The following DCAF17 variants were observed in gnomAD, a reference collection of about 807,000 sequenced individuals.
DCAF17 encodes DDB1- and CUL4-associated factor 17.
A neutral mutation model predicts 66.0 loss-of-function variants in DCAF17; 48 were observed. The observed-to-expected ratio is 0.73, with a 90% CI of 0.58 to 0.92. The LOEUF is 0.92. Ranked by LOEUF, DCAF17 falls within the 40% of genes least tolerant of loss-of-function variation. DCAF17 has a pLI of 0.00. For synonymous variants in DCAF17, 206 were observed against 214.6 expected, an observed-to-expected ratio of 0.96 and a Z score of 0.35; for missense variants, 562 against 622.8, an observed-to-expected ratio of 0.90 and a Z score of 1.04.
At chr2:171,467,633 G>C (rs982325224) in intron 8 of DCAF17, among the ~76,000 whole-genome samples, 2 of 151,370 alleles carry the variant, frequency 1.3e-5, no homozygotes, top group Admixed American at 6.6e-5. Flanking sequence ...AGGAGGCTGA[G>C]GCATGAGAAT....
intron 2 of DCAF17, 142 bp from the exon 3 acceptor site, chr2:171,443,381 A>G (rs1694427717): frequency 3.2e-6 from 2 of 622,312 alleles, no homozygotes. Flanking sequence ...ATCAGAAAAA[A>G]ATATTAATAT....
intron 1 of DCAF17, 88 bp from the exon 2 acceptor site, chr2:171,434,995 T>C (rs892968396): frequency 1.9e-5 from 22 of 1,180,962 alleles, no homozygotes; most frequent in African/African-American, 3.1e-5. Flanking sequence ...TAAAATAATA[T>C]AGGTGACATT....
chr2:171,468,403 G>T (rs575648917), intron 8 of DCAF17, among the ~76,000 whole-genome samples: 5 of 152,236 alleles, frequency 3.3e-5, no homozygotes, highest in Non-Finnish European at 7.4e-5. Flanking sequence ...AAGCAAGATA[G>T]ATGTATACCT....
At chr2:171,438,700 A>G (rs1156265389) in intron 2 of DCAF17, among the ~76,000 whole-genome samples, 4 of 151,924 alleles carry the variant, frequency 2.6e-5, no homozygotes, top group Non-Finnish European at 5.9e-5. Context: ...TACACATTGT[A>G]TCTTTTGCCA....
At chr2:171,437,619 G>A (rs910915985) in intron 2 of DCAF17, among the ~76,000 whole-genome samples, 5 of 152,284 alleles carry the variant, frequency 3.3e-5, no homozygotes, top group African/African-American at 1.2e-4. Flanking sequence ...ACTTATTCAA[G>A]TTATCTAATT....
chr2:171,435,571 T>C (rs1266058505), intron 2 of DCAF17, among the ~76,000 whole-genome samples: 1 of 150,602 alleles, frequency 6.6e-6, no homozygotes, highest in Non-Finnish European at 1.5e-5. Context: ...TTTAGAGAAA[T>C]TTTTTCAAAC....
rs1693723837 is a variant in DCAF17 at position 171,434,769 on chromosome 2, G to T, written c.126+66G>T. On this transcript the variant is annotated intron_variant, in intron 1 of 13. Coordinates refer to ENST00000375255, the MANE Select transcript of DCAF17 (RefSeq NM_025000.4). Reference sequence around the variant, plus strand: ...CGCGCGGCGGCCGAGCCTCCTGCGGGGATGCGGTTTTAACGCGCTGGGGCC... The same window carrying T: ...CGCGCGGCGGCCGAGCCTCCTGCGGTGATGCGGTTTTAACGCGCTGGGGCC... 3 of 1,390,486 alleles carry T rather than the reference G, an allele frequency of 2.2e-6. No individual in the cohort carries two copies. The East Asian group carries it at 8.6e-5, about 40-fold the overall frequency. 86.1% of individuals were successfully genotyped at this position (1,390,486 alleles called of 1,614,324 possible). A position where few individuals can be genotyped will look rare whatever the true frequency, so the allele number is the denominator to read the frequency against.
At chr2:171,457,559 A>G (rs968880833) in intron 6 of DCAF17, among the ~76,000 whole-genome samples, 2 of 152,214 alleles carry the variant, frequency 1.3e-5, no homozygotes, top group East Asian at 3.8e-4. Flanking sequence ...ATTTGTCTCT[A>G]TTTTATAAAG....
chr2:171,437,737 G>A (rs529762295), intron 2 of DCAF17, among the ~76,000 whole-genome samples: 8 of 152,098 alleles, frequency 5.3e-5, no homozygotes, highest in South Asian at 2.1e-4. Flanking sequence ...TTGTTTTAAC[G>A]TCCATGAGAT....
intron 8 of DCAF17, among the ~76,000 whole-genome samples, chr2:171,467,451 G>A (rs996047802): frequency 2.6e-5 from 4 of 152,116 alleles, no homozygotes; most frequent in Non-Finnish European, 5.9e-5. Flanking sequence ...CACTTTGGGA[G>A]GCCGAGGCAG....
Position 171,434,569 on chromosome 2 carries a change from C to A in DCAF17, c.-9C>A. 6.6e-7 allele frequency: 1 copy of A among 1,525,898 alleles called. No individual in the cohort carries two copies. Among genetic ancestry groups the A allele is most frequent in the Non-Finnish European group, 8.8e-7 (1 of 1,142,288 alleles). The allele number at this position is 1,525,898 out of a possible 1,614,324, so 94.5% of individuals were successfully genotyped here. ...GGCCCAGCCTACCCAGGGCCCGGCCCGCGCCTCCATGGGCCCGACCCGGAA... is the reference window on the plus strand; with the variant it reads ...GGCCCAGCCTACCCAGGGCCCGGCCAGCGCCTCCATGGGCCCGACCCGGAA... On this transcript the variant is annotated 5_prime_UTR_variant, in exon 1 of 14. Transcript: ENST00000375255.
rs17220419 is a variant in DCAF17, at chr2:171,448,582, T to C, written c.322-99T>C. The C allele has an allele frequency of 0.18, 197,682 of 1,072,122 alleles. 19,336 individuals carry two copies. Among genetic ancestry groups the C allele is most frequent in the Admixed American group, 0.29 (9,938 of 34,354 alleles). 66.4% of individuals were successfully genotyped at this position (1,072,122 alleles called of 1,614,324 possible). On this transcript the variant is annotated intron_variant, in intron 3 of 13. Coordinates refer to ENST00000375255, the MANE Select transcript of DCAF17 (RefSeq NM_025000.4). Reference sequence around the variant, plus strand: ...AATCTTTCTTTTGTGGTTTATTTATTTGGCATTTGAATATTTAGCTATTTT... The same window carrying C: ...AATCTTTCTTTTGTGGTTTATTTATCTGGCATTTGAATATTTAGCTATTTT...
Position 171,484,854 on chromosome 2 carries a change from T to C in DCAF17, c.*3740T>C, listed in dbSNP as rs1696886985. 2.2e-6 allele frequency: 1 copy of C among 453,924 alleles called. No individual in the cohort carries two copies. Among genetic ancestry groups the C allele is most frequent in the Admixed American group, 2.4e-5 (1 of 42,550 alleles). The allele number at this position is 453,924 out of a possible 1,614,324, so 28.1% of individuals were successfully genotyped here. ...AGTGAAATTATACAAAATGTAATGC[T>C]TCTTTCACTTAGCATAATGTTTTTG... On this transcript the variant is annotated 3_prime_UTR_variant, in exon 14 of 14. Transcript: ENST00000375255.
At chr2:171,475,727 T>C (rs1323734335) in intron 10 of DCAF17, among the ~76,000 whole-genome samples, 2 of 152,164 alleles carry the variant, frequency 1.3e-5, no homozygotes, top group Non-Finnish European at 2.9e-5. Flanking sequence ...TGTAGCGCTG[T>C]ACTCCAGCCT....
At chr2:171,478,805 A>C (rs1696616125) in intron 12 of DCAF17, among the ~76,000 whole-genome samples, 1 of 152,196 alleles carries the variant, frequency 6.6e-6, no homozygotes, top group South Asian at 2.1e-4. Context: ...AAAAAAACAC[A>C]CAAAAAAGTA....
In DCAF17 at chr2:171,434,313, G is replaced by A; in HGVS notation, c.-265G>A. 1.6e-6 allele frequency: 1 copy of A among 636,006 alleles called. No individual in the cohort carries two copies. Among genetic ancestry groups the A allele is most frequent in the Non-Finnish European group, 2.9e-6 (1 of 350,846 alleles). The allele number at this position is 636,006 out of a possible 1,614,324, so 39.4% of individuals were successfully genotyped here. On this transcript the variant is annotated 5_prime_UTR_variant, in exon 1 of 14. Transcript: ENST00000375255. ...GCCGGCCGCGCGGTACCGGAGCGTC[G>A]CACTGTCAGCGGCCAGAGAGCCTGG...
At chr2:171,450,546 G>A (rs1225718072) in intron 5 of DCAF17, among the ~76,000 whole-genome samples, 7 of 151,432 alleles carry the variant, frequency 4.6e-5, no homozygotes, top group African/African-American at 1.7e-4. Flanking sequence ...TGTTTCTATT[G>A]GTGACTTATG....
chr2:171,457,650 T>C (rs1695335407), intron 6 of DCAF17, among the ~76,000 whole-genome samples: 2 of 152,206 alleles, frequency 1.3e-5, no homozygotes, highest in Admixed American at 1.3e-4. Context: ...ATGGCCTTGG[T>C]GTATGCCAGT....
chr2:171,474,143 G>A (rs2105804291), intron 10 of DCAF17, 168 bp downstream of exon 10: 1 of 654,704 alleles, frequency 1.5e-6, no homozygotes, highest in South Asian at 1.7e-5. Flanking sequence ...TATTCTTTGA[G>A]ACTCAACATT....
Sources: allele counts gnomAD v4.1 joint callset (sites outside exome capture counted in the v4.1 genomes callset), GRCh38; gene constraint gnomAD v4.1.1; transcripts MANE v1.5; gene names NCBI Gene and HGNC (gene_info 2026-07-23, HGNC 2026-07-21).